The following HMCN1 variants were observed in gnomAD, a reference collection of about 807,000 sequenced individuals.
HMCN1 encodes hemicentin-1.
A neutral mutation model predicts 625.9 loss-of-function variants in HMCN1; 321 were observed. That is an observed-to-expected ratio of 0.51 (90% confidence interval 0.47 to 0.56). The LOEUF (loss-of-function observed/expected upper bound fraction) is 0.56. HMCN1 is among the 20% of genes least tolerant of loss of function. HMCN1 has a pLI of 0.00. For missense variants in HMCN1, 6,588 were observed against 6,887.3 expected (o/e 0.96, Z 1.54); for synonymous variants, 2,425 against 2,417.6 (o/e 1.00, Z -0.09).
chr1:185,919,278 A>G lies in HMCN1; in HGVS notation c.901-3101A>G, dbSNP rs60906298. Among the ~76,000 whole-genome samples the G allele has an allele frequency of 5.2e-3, 788 of 152,148 alleles. 5 individuals carry two copies. Among genetic ancestry groups the G allele is most frequent in the African/African-American group, 0.018 (732 of 41,498 alleles). ...TCTAACCCCATCAGGTTCATAACTCATGAGACTCCAAAGTCTTCTCCCAGC... is the reference window on the plus strand; with the variant it reads ...TCTAACCCCATCAGGTTCATAACTCGTGAGACTCCAAAGTCTTCTCCCAGC... On this transcript the variant is annotated intron_variant, in intron 6 of 106. Coordinates refer to ENST00000271588, the MANE Select transcript of HMCN1 (RefSeq NM_031935.3).
intron 102 of HMCN1, among the ~76,000 whole-genome samples, chr1:186,173,649 AAAAAAAG>A (rs932748613): frequency 4.6e-5 from 7 of 151,064 alleles, no homozygotes; most frequent in Non-Finnish European, 8.8e-5. Flanking sequence ...TCAAAAAAAA[AAAAAAAG>A]AAAAAAGAAA....
chr1:186,081,721 A>G (rs1659179964), intron 56 of HMCN1, among the ~76,000 whole-genome samples: 1 of 152,140 alleles, frequency 6.6e-6, no homozygotes, highest in South Asian at 2.1e-4. Context: ...TCTGTTGGTA[A>G]AATTCTAAAT....
intron 2 of HMCN1, among the ~76,000 whole-genome samples, chr1:185,861,778 A>G (rs1662889472): frequency 6.6e-6 from 1 of 152,212 alleles, no homozygotes. Context: ...AGAGTGAGTA[A>G]GCACATTTGA....
intron 95 of HMCN1, among the ~76,000 whole-genome samples, chr1:186,152,153 TA>T (rs1230560840): frequency 6.6e-6 from 1 of 152,182 alleles, no homozygotes; most frequent in Non-Finnish European, 1.5e-5. Flanking sequence ...AAAGCAAACC[TA>T]AAGGCTTTTC....
intron 1 of HMCN1, among the ~76,000 whole-genome samples, chr1:185,829,010 G>A (rs1305686591): frequency 1.3e-5 from 2 of 151,970 alleles, no homozygotes; most frequent in South Asian, 2.1e-4. Flanking sequence ...TTCTTCTTTG[G>A]GAAACTAAAC....
chr1:186,023,695 A>G (rs746637040), intron 36 of HMCN1, among the ~76,000 whole-genome samples: 4 of 152,232 alleles, frequency 2.6e-5, no homozygotes, highest in Non-Finnish European at 1.5e-5. Context: ...GAAAAGGCCA[A>G]TAATTAGAGG....
chr1:185,879,815 TGAG>T (rs1368840081), intron 4 of HMCN1, among the ~76,000 whole-genome samples: 1 of 152,074 alleles, frequency 6.6e-6, no homozygotes, highest in African/African-American at 2.4e-5. Flanking sequence ...TTACAAGAGT[TGAG>T]GAGGTCATTG....
At chr1:185,970,997 A>G (rs1650784356) in intron 15 of HMCN1, among the ~76,000 whole-genome samples, 1 of 152,082 alleles carries the variant, frequency 6.6e-6, no homozygotes, top group Non-Finnish European at 1.5e-5. Context: ...AAAAATTTAT[A>G]CGGAAAGATC....
chr1:185,955,674 A>T (rs1332506914), intron 11 of HMCN1, among the ~76,000 whole-genome samples: 1 of 152,136 alleles, frequency 6.6e-6, no homozygotes, highest in African/African-American at 2.4e-5. Context: ...CTCAGTAATG[A>T]ATTTCTCAAA....
chr1:185,886,115 C>T (rs1173971928), intron 4 of HMCN1, among the ~76,000 whole-genome samples: 1 of 152,020 alleles, frequency 6.6e-6, no homozygotes, highest in African/African-American at 2.4e-5. Flanking sequence ...TACCATCTCT[C>T]TCTCTTTTTT....
At chr1:186,064,552 G>T (rs1025362544) in intron 48 of HMCN1, among the ~76,000 whole-genome samples, 3 of 152,068 alleles carry the variant, frequency 2.0e-5, no homozygotes, top group Admixed American at 6.6e-5. Context: ...GCTCACGCCT[G>T]TAATCCCAGC....
chr1:186,136,925 G>A lies in HMCN1; in HGVS notation c.13570G>A (p.Val4524Ile). Residue 4524 changes from valine (V) to isoleucine (I), a missense_variant, in exon 87 of 107, where the codon GTC becomes ATC. Transcript: ENST00000271588. ...GGGTTCTGTCCTTGTCAGAGTGCCA[G>A]TCATAGTCCAGGGTGAGTGTGATCA... Reference protein sequence around the residue: ...LMGSVLVRVPVIVQVHGGFSQ... With the variant: ...LMGSVLVRVPIIVQVHGGFSQ... The A allele has an allele frequency of 1.2e-6, 2 of 1,613,684 alleles. No homozygotes were observed. Among genetic ancestry groups the A allele is most frequent in the Non-Finnish European group, 8.5e-7 (1 of 1,179,900 alleles).
At chr1:185,969,021 A>C (rs1650616719) in intron 14 of HMCN1, among the ~76,000 whole-genome samples, 1 of 152,224 alleles carries the variant, frequency 6.6e-6, no homozygotes, top group Non-Finnish European at 1.5e-5. Flanking sequence ...CTAGCAAAAA[A>C]GTCTTTATTT....
In HMCN1 at chr1:185,832,211, G is replaced by A. The variant is rs898635127; in HGVS notation, c.269-13815G>A. Among the ~76,000 whole-genome samples the A allele has an allele frequency of 7.8e-4, 119 of 151,948 alleles. 8 individuals are homozygous for A. The highest frequency in any genetic ancestry group is 1.5e-4 in the Non-Finnish European group (10 of 67,996). On this transcript the variant is annotated intron_variant, in intron 1 of 106. Coordinates refer to ENST00000271588, the MANE Select transcript of HMCN1 (RefSeq NM_031935.3). ...CTTGGGGAGCTGATGTGGGAGAATC[G>A]CTTGAACCCGGGAGGCAGAGGCTGC...
In HMCN1 at chr1:186,108,447, G is replaced by A. The variant is rs758442793; in HGVS notation, c.10853-14G>A. ...AATACAGATTGCTTTTGTTGTATTT[G>A]TTCTCACACCCAGTACCTCCTAATA... is the stretch of plus-strand genomic sequence containing the variant. On this transcript the variant is annotated splice_polypyrimidine_tract_variant and intron_variant, in intron 70 of 106. Transcript: ENST00000271588. 2 of 1,613,790 alleles carry A rather than the reference G, an allele frequency of 1.2e-6. No individual in the cohort carries two copies. The highest frequency in any genetic ancestry group is 1.7e-6 in the Non-Finnish European group (2 of 1,179,952).
chr1:185,736,905 T>C (rs1012236859), intron 1 of HMCN1, among the ~76,000 whole-genome samples: 1 of 152,222 alleles, frequency 6.6e-6, no homozygotes, highest in African/African-American at 2.4e-5. Flanking sequence ...TAATTGTGTG[T>C]ATAATTCAAC....
chr1:186,042,684 T>C (rs533332198), intron 40 of HMCN1, among the ~76,000 whole-genome samples: 1 of 152,318 alleles, frequency 6.6e-6, no homozygotes, highest in African/African-American at 2.4e-5. Flanking sequence ...CATTGAAATA[T>C]ACATGCAGCA....
intron 4 of HMCN1, among the ~76,000 whole-genome samples, chr1:185,876,475 C>A (rs562289605): frequency 3.9e-5 from 6 of 152,082 alleles, no homozygotes; most frequent in Non-Finnish European, 8.8e-5. Context: ...TAGTTCTCTG[C>A]AATATTTCTA....
chr1:185,886,734 G>C (rs1422543939), intron 4 of HMCN1, among the ~76,000 whole-genome samples: 1 of 151,964 alleles, frequency 6.6e-6, no homozygotes, highest in Non-Finnish European at 1.5e-5. Context: ...TTCACACCTG[G>C]ATTGCTGCAA....
Sources: gnomAD v4.1 joint callset for allele counts (sites outside exome capture counted in the v4.1 genomes callset) on GRCh38, gnomAD v4.1.1 for gene constraint, MANE v1.5 for transcripts, NCBI Gene and HGNC (gene_info 2026-07-23, HGNC 2026-07-21) for gene names.